IL31RA: variants seen among roughly 807,000 people sequenced by gnomAD.
The protein encoded by IL31RA is interleukin 31 receptor A.
In IL31RA, 66 loss-of-function variants were observed where a neutral mutation model predicts 83.7. That is an observed-to-expected ratio of 0.79 (90% CI 0.65 to 0.97). IL31RA has a LOEUF of 0.97. Among genes scored for constraint, IL31RA ranks in the 50% least tolerant of loss-of-function variants. The pLI, the probability that IL31RA is intolerant of heterozygous loss-of-function variation, is 0.00. For missense variants in IL31RA, 798 were observed against 919.4 expected, an observed-to-expected ratio of 0.87 and a Z score of 1.71; for synonymous variants, 325 against 329.0, an observed-to-expected ratio of 0.99 and a Z score of 0.13.
Position 55,899,964 on chromosome 5 carries a change from T to A in IL31RA, c.901T>A (p.Trp301Arg), listed in dbSNP as rs781600166. The A allele has an allele frequency of 6.2e-7, 1 of 1,614,190 alleles. No individual in the cohort carries two copies. The highest frequency in any genetic ancestry group is 1.1e-5 in the South Asian group (1 of 91,078). ...AGAGAAAACACTTGGCTACAACATATGGTACTATCCAGAAAGCAACACTAA... is the reference window on the plus strand; with the variant it reads ...AGAGAAAACACTTGGCTACAACATAAGGTACTATCCAGAAAGCAACACTAA... ...VLEKTLGYNI[W>R]YYPESNTNLT... The change falls in exon 8 of 15, where the codon TGG (tryptophan) becomes AGG (arginine). Residue 301 changes from tryptophan to arginine, a missense_variant. Coordinates refer to ENST00000652347, the MANE Select transcript of IL31RA (RefSeq NM_139017.7).
At chr5:55,906,391 A>G (rs932794466) in intron 9 of IL31RA, 103 bp downstream of exon 9, 2 of 1,087,964 alleles carry the variant, frequency 1.8e-6, no homozygotes, top group Admixed American at 1.9e-5. Flanking sequence ...TAGTGTGGTT[A>G]ATAGCATTTG....
chr5:55,872,124 G>T, intron 3 of IL31RA, 146 bp from the exon 4 acceptor site: 1 of 647,602 alleles, frequency 1.5e-6, no homozygotes, highest in Non-Finnish European at 2.7e-6. Context: ...AAGGAATTTG[G>T]AAAGAGGATA....
intron 4 of IL31RA, among the ~76,000 whole-genome samples, chr5:55,875,499 T>C (rs909140705): frequency 2.0e-5 from 3 of 152,134 alleles, no homozygotes; most frequent in African/African-American, 7.2e-5. Flanking sequence ...GCTTTCTTTG[T>C]GGGAAGTTTT....
intron 14 of IL31RA, among the ~76,000 whole-genome samples, chr5:55,915,164 C>T (rs1036229107): frequency 2.0e-5 from 3 of 152,122 alleles, no homozygotes; most frequent in Non-Finnish European, 4.4e-5. Context: ...GGACCCAGTG[C>T]GTTCCCAGGT....
At chr5:55,867,171 G>A (rs865994805) in intron 2 of IL31RA, among the ~76,000 whole-genome samples, 1 of 70,728 alleles carries the variant, frequency 1.4e-5, no homozygotes, top group Non-Finnish European at 2.8e-5. Flanking sequence ...GTGTGTGCAT[G>A]TGTGTGTGCA....
chr5:55,853,349 C>A, intron 1 of IL31RA: 1 of 1,301,770 alleles, frequency 7.7e-7, no homozygotes, highest in Non-Finnish European at 9.8e-7. Flanking sequence ...CATTTCCCAG[C>A]ATAAGTGGGT....
chr5:55,891,761 A>ATTTTTTTT lies in IL31RA; in HGVS notation c.772+1651_772+1658dup, dbSNP rs35672011. On this transcript the variant is annotated intron_variant, in intron 6 of 14. Transcript: ENST00000652347. ...TACAGGTTCCAGGGATTTGGACAAG[A>ATTTTTTTT]TTTTTTTTTTTTTTTTTTTTTTTTT... Among the ~76,000 whole-genome samples, 525 of 60,036 alleles carry ATTTTTTTT rather than the reference A, an allele frequency of 8.7e-3. 97 individuals carry two copies. The highest frequency in any genetic ancestry group is 0.011 in the East Asian group (19 of 1,654). 39.4% of individuals were successfully genotyped at this position (60,036 alleles called of 152,430 possible). A position where few individuals can be genotyped will look rare whatever the true frequency, so the allele number is the denominator to read the frequency against.
chr5:55,879,184 A>G (rs949594162), intron 4 of IL31RA, among the ~76,000 whole-genome samples: 11 of 152,086 alleles, frequency 7.2e-5, no homozygotes, highest in African/African-American at 2.2e-4. Context: ...CTGGAATATA[A>G]GTAAGTGTGC....
chr5:55,908,169 T>A (rs1262956894), intron 10 of IL31RA, 96 bp from the exon 11 acceptor site: 1 of 1,576,604 alleles, frequency 6.3e-7, no homozygotes, highest in East Asian at 2.2e-5. Flanking sequence ...CCTCCAGCAC[T>A]ATGGTTTGGT....
chr5:55,855,607 C>G (rs1745310936), intron 1 of IL31RA, among the ~76,000 whole-genome samples: 1 of 152,064 alleles, frequency 6.6e-6, no homozygotes, highest in Non-Finnish European at 1.5e-5. Context: ...CAAAGAGCAC[C>G]CTGTGAAGTA....
intron 4 of IL31RA, among the ~76,000 whole-genome samples, chr5:55,878,235 A>G (rs1188867024): frequency 2.6e-5 from 4 of 151,966 alleles, no homozygotes; most frequent in Non-Finnish European, 5.9e-5. Context: ...TTCATGTATT[A>G]TTTTCCTGAT....
chr5:55,847,460 T>C (rs1289348814), upstream of IL31RA, among the ~76,000 whole-genome samples: 1 of 151,864 alleles, frequency 6.6e-6, no homozygotes, highest in African/African-American at 2.4e-5. Context: ...TGCACTCCTG[T>C]AATCCCAGCT....
chr5:55,872,539 G>C (rs978454122), intron 4 of IL31RA, 88 bp downstream of exon 4: 1 of 908,360 alleles, frequency 1.1e-6, no homozygotes, highest in Non-Finnish European at 1.8e-6. Context: ...TCAAAAGTAG[G>C]CTCATCAAGT....
upstream of IL31RA, among the ~76,000 whole-genome samples, chr5:55,846,652 C>T (rs1281497626): frequency 2.6e-5 from 4 of 151,862 alleles, no homozygotes; most frequent in Admixed American, 2.6e-4. Flanking sequence ...CAAAAATTAG[C>T]CAAGCTTGGT....
intron 2 of IL31RA, among the ~76,000 whole-genome samples, chr5:55,865,593 C>T (rs1022943092): frequency 4.6e-5 from 7 of 152,174 alleles, no homozygotes; most frequent in African/African-American, 1.7e-4. Context: ...CTTTACACCA[C>T]CTTCTTGTTA....
At chr5:55,910,925 A>G (rs1041536144) in intron 12 of IL31RA, among the ~76,000 whole-genome samples, 1 of 152,292 alleles carries the variant, frequency 6.6e-6, no homozygotes, top group African/African-American at 2.4e-5. Flanking sequence ...GCCACAAATC[A>G]TCTGGAGGAG....
intron 1 of IL31RA, chr5:55,852,196 G>A (rs1019636153): frequency 6.6e-6 from 1 of 152,656 alleles, no homozygotes; most frequent in Non-Finnish European, 1.5e-5. Context: ...TTGAGACAGA[G>A]TTTCACTCTT....
intron 6 of IL31RA, among the ~76,000 whole-genome samples, chr5:55,895,876 T>C (rs1251645490): frequency 1.3e-5 from 2 of 152,216 alleles, no homozygotes; most frequent in African/African-American, 4.8e-5. Context: ...TATTGTCTTA[T>C]TCCTTTGTCA....
At chr5:55,865,570 C>T (rs1746003796) in intron 2 of IL31RA, among the ~76,000 whole-genome samples, 1 of 152,172 alleles carries the variant, frequency 6.6e-6, no homozygotes, top group African/African-American at 2.4e-5. Context: ...GAATGCTACC[C>T]ATTCTGGAAC....
Sources: gnomAD v4.1 joint callset for allele counts (sites outside exome capture counted in the v4.1 genomes callset) on GRCh38, gnomAD v4.1.1 for gene constraint, MANE v1.5 for transcripts, NCBI Gene and HGNC (gene_info 2026-07-23, HGNC 2026-07-21) for gene names.